ERC1: variants seen among roughly 807,000 people sequenced by gnomAD.
The protein encoded by ERC1 is ELKS/RAB6-interacting/CAST family member 1, also known as RAB6 interacting protein 2.
In ERC1, 56 loss-of-function variants were observed where a neutral mutation model predicts 132.0. The ratio of observed to expected loss-of-function variants is 0.42; its 90% CI spans 0.34 to 0.53. The LOEUF (loss-of-function observed/expected upper bound fraction) is 0.53, where lower values mean the gene tolerates loss of function less well. Ranked by LOEUF, ERC1 falls within the 20% of genes least tolerant of loss-of-function variation. The probability of loss-of-function intolerance (pLI) is 0.03; values close to 1 mark genes in which losing one functional copy is unlikely to be tolerated. For missense variants in ERC1, 1,202 were observed against 1,349.9 expected, an observed-to-expected ratio of 0.89 and a Z score of 1.72; for synonymous variants, 478 against 476.1, an observed-to-expected ratio of 1.00 and a Z score of -0.05.
intron 12 of ERC1, among the ~76,000 whole-genome samples, chr12:1,208,184 G>A (rs1395763926): frequency 6.6e-6 from 1 of 152,034 alleles, no homozygotes; most frequent in Non-Finnish European, 1.5e-5. Flanking sequence ...AGAATCTAGG[G>A]TACAAATCTA....
chr12:1,480,591 A>G (rs1322819469), intron 18 of ERC1, among the ~76,000 whole-genome samples: 1 of 152,228 alleles, frequency 6.6e-6, no homozygotes, highest in African/African-American at 2.4e-5. Flanking sequence ...AGGGGAAAGA[A>G]GGAATCAATT....
At chr12:1,196,952 ACACACACACATATATAT>A (rs2154280822) in intron 12 of ERC1, among the ~76,000 whole-genome samples, 1 of 44,082 alleles carries the variant, frequency 2.3e-5, no homozygotes. Flanking sequence ...ACACACACAC[ACACACACACATATATAT>A]ATATATATTT....
At chr12:1,435,714 C>A (rs1328087625) in intron 17 of ERC1, among the ~76,000 whole-genome samples, 1 of 152,194 alleles carries the variant, frequency 6.6e-6, no homozygotes, top group African/African-American at 2.4e-5. Context: ...TTCTTAAACA[C>A]CAAATCACAA....
At chr12:1,327,083 T>C (rs2082496822) in intron 15 of ERC1, among the ~76,000 whole-genome samples, 1 of 152,222 alleles carries the variant, frequency 6.6e-6, no homozygotes. Context: ...ATTAACCCAA[T>C]TTAACATTAT....
At chr12:1,263,378 A>G (rs1411589796) in intron 14 of ERC1, among the ~76,000 whole-genome samples, 2 of 152,228 alleles carry the variant, frequency 1.3e-5, no homozygotes, top group African/African-American at 2.4e-5. Context: ...GACCAACTTT[A>G]TTAGCAAAGC....
At chr12:1,415,840 G>T (rs1432086961) in intron 17 of ERC1, among the ~76,000 whole-genome samples, 1 of 152,184 alleles carries the variant, frequency 6.6e-6, no homozygotes, top group African/African-American at 2.4e-5. Context: ...AAAGCCAATG[G>T]AATTAAAGAA....
At chr12:1,094,862 C>T (rs995215826) in intron 3 of ERC1, among the ~76,000 whole-genome samples, 8 of 152,124 alleles carry the variant, frequency 5.3e-5, no homozygotes, top group African/African-American at 1.9e-4. Flanking sequence ...AAAGTGGTAA[C>T]AGTTCTTTCC....
At chr12:1,422,219 A>G (rs939778242) in intron 17 of ERC1, among the ~76,000 whole-genome samples, 7 of 152,382 alleles carry the variant, frequency 4.6e-5, no homozygotes, top group Admixed American at 2.0e-4. Context: ...AGCTTGGCCT[A>G]TGCCCAGGAA....
chr12:1,426,315 G>A lies in ERC1; in HGVS notation c.3024+18068G>A, dbSNP rs192286377. Among the ~76,000 whole-genome samples, 748 of 152,182 alleles carry A rather than the reference G, an allele frequency of 4.9e-3. 5 individuals are homozygous for A. Among genetic ancestry groups the A allele is most frequent in the Non-Finnish European group, 7.8e-3 (533 of 68,022 alleles). On this transcript the variant is annotated intron_variant, in intron 17 of 18. Coordinates refer to ENST00000360905, the MANE Select transcript of ERC1 (RefSeq NM_178040.4). ...AGACAGGTTTTCACCGTGTTGGCCA[G>A]GCTGGTCTCGAACTCCTGACCTCAG...
chr12:1,318,020 GTAAAT>G (rs2081887827), intron 15 of ERC1, among the ~76,000 whole-genome samples: 1 of 152,012 alleles, frequency 6.6e-6, no homozygotes, highest in Non-Finnish European at 1.5e-5. Context: ...TCCTGAAATA[GTAAAT>G]AACTAAAAAT....
intron 15 of ERC1, among the ~76,000 whole-genome samples, chr12:1,364,341 T>C (rs2086452471): frequency 1.3e-5 from 2 of 152,264 alleles, no homozygotes; most frequent in African/African-American, 2.4e-5. Flanking sequence ...CTTGCTTTAC[T>C]TCTCTAAAAC....
At chr12:1,147,310 G>T (rs1950469681) in intron 8 of ERC1, among the ~76,000 whole-genome samples, 1 of 152,140 alleles carries the variant, frequency 6.6e-6, no homozygotes, top group East Asian at 1.9e-4. Context: ...TTTGCTGAGG[G>T]TTTTAATCAT....
chr12:1,261,417 A>G (rs1304521407), intron 13 of ERC1, among the ~76,000 whole-genome samples: 2 of 152,238 alleles, frequency 1.3e-5, no homozygotes, highest in Non-Finnish European at 2.9e-5. Context: ...ACATTACTCC[A>G]AAATAGTCAT....
At chr12:1,305,100 C>T (rs1053883347) in intron 15 of ERC1, among the ~76,000 whole-genome samples, 2 of 152,082 alleles carry the variant, frequency 1.3e-5, no homozygotes, top group Admixed American at 6.6e-5. Flanking sequence ...AACTCTTAAA[C>T]GAGGACTTGT....
rs536141229 is a variant in ERC1 at position 1,332,963 on chromosome 12, C to T, written c.2781-38870C>T. Among the ~76,000 whole-genome samples the T allele has an allele frequency of 2.0e-5, 3 of 152,150 alleles. No individual in the cohort carries two copies. The South Asian group carries it at 6.2e-4, about 32-fold the overall frequency. Reference sequence around the variant, plus strand: ...ACTTAGGTCATGGAGGTTTGTTGTACAGATTATTTCCTCGCCCGGGTATTA... The same window carrying T: ...ACTTAGGTCATGGAGGTTTGTTGTATAGATTATTTCCTCGCCCGGGTATTA... On this transcript the variant is annotated intron_variant, in intron 15 of 18. Coordinates refer to ENST00000360905, the MANE Select transcript of ERC1 (RefSeq NM_178040.4).
chr12:1,471,892 G>T (rs918033512), intron 18 of ERC1, among the ~76,000 whole-genome samples: 3 of 152,184 alleles, frequency 2.0e-5, no homozygotes, highest in African/African-American at 4.8e-5. Flanking sequence ...CTAACCACTG[G>T]CCAGGCGTGA....
chr12:1,114,316 C>T (rs887935854), intron 6 of ERC1, among the ~76,000 whole-genome samples: 6 of 152,138 alleles, frequency 3.9e-5, no homozygotes, highest in Non-Finnish European at 8.8e-5. Context: ...CCACTGCACC[C>T]GGCCTAAACC....
At chr12:1,219,900 C>A (rs902336390) in intron 12 of ERC1, among the ~76,000 whole-genome samples, 1 of 152,160 alleles carries the variant, frequency 6.6e-6, no homozygotes. Context: ...TAGACATTGT[C>A]ACCCCTTGGG....
chr12:1,349,380 T>C (rs2084781891), intron 15 of ERC1, among the ~76,000 whole-genome samples: 1 of 152,148 alleles, frequency 6.6e-6, no homozygotes, highest in African/African-American at 2.4e-5. Context: ...AGAGTTCTTT[T>C]TGGCCGGGCA....
Sources: gnomAD v4.1 joint callset for allele counts (sites outside exome capture counted in the v4.1 genomes callset) on GRCh38, gnomAD v4.1.1 for gene constraint, MANE v1.5 for transcripts, NCBI Gene and HGNC (gene_info 2026-07-23, HGNC 2026-07-21) for gene names.